The following SNTG2 variants were observed in gnomAD, a reference collection of about 807,000 sequenced individuals.
SNTG2 encodes gamma-2-syntrophin.
A neutral mutation model predicts 70.9 loss-of-function variants in SNTG2; 74 were observed. The ratio of observed to expected loss-of-function variants is 1.04; its 90% CI spans 0.86 to 1.27. The LOEUF (loss-of-function observed/expected upper bound fraction) is 1.27, where lower values mean the gene tolerates loss of function less well. SNTG2 is among the 50% of genes most tolerant of loss of function. The pLI, the probability that SNTG2 is intolerant of heterozygous loss-of-function variation, is 0.00. For synonymous variants in SNTG2, 278 were observed against 273.8 expected, an observed-to-expected ratio of 1.02 and a Z score of -0.15; for missense variants, 717 against 690.7, an observed-to-expected ratio of 1.04 and a Z score of -0.43.
intron 14 of SNTG2, among the ~76,000 whole-genome samples, chr2:1,283,987 A>G (rs993041429): frequency 2.6e-5 from 4 of 152,102 alleles, no homozygotes; most frequent in Admixed American, 1.3e-4. Flanking sequence ...CTCACGGTAG[A>G]TATTTGAAAG....
chr2:1,271,354 A>C (rs868527172), intron 14 of SNTG2, among the ~76,000 whole-genome samples: 1 of 152,116 alleles, frequency 6.6e-6, no homozygotes, highest in African/African-American at 2.4e-5. Context: ...TGCAATTTAC[A>C]AGACTTTTGT....
intron 14 of SNTG2, among the ~76,000 whole-genome samples, chr2:1,292,090 A>G (rs1314868480): frequency 2.6e-5 from 4 of 151,978 alleles, no homozygotes; most frequent in Non-Finnish European, 4.4e-5. Flanking sequence ...ATTCTTTTTG[A>G]TGCTATTGTA....
At chr2:1,006,829 C>G (rs959627320) in intron 1 of SNTG2, among the ~76,000 whole-genome samples, 1 of 151,942 alleles carries the variant, frequency 6.6e-6, no homozygotes, top group Non-Finnish European at 1.5e-5. Context: ...AGATCGAGAC[C>G]AGCCTGACCA....
Position 1,259,373 on chromosome 2 carries a change from A to G in SNTG2, c.1009A>G (p.Ser337Gly). ...SFYVFSTPPV[S>G]TFDWVRAERT... ...GAACGTTCTCTGTTTCTTGCAGGTG[A>G]GCACATTCGATTGGGTGCGAGCAGA... Residue 337 changes from serine to glycine, a missense_variant, in exon 13 of 17, where the codon AGC (serine) becomes GGC (glycine). Ser to Gly is a moderately conservative substitution (Grantham distance 56). Transcript: ENST00000308624. 1 of 1,613,934 alleles carries G rather than the reference A, an allele frequency of 6.2e-7. No homozygotes were observed. The highest frequency in any genetic ancestry group is 8.5e-7 in the Non-Finnish European group (1 of 1,179,854).
intron 16 of SNTG2, among the ~76,000 whole-genome samples, chr2:1,350,474 G>A (rs1030703393): frequency 2.0e-5 from 3 of 152,180 alleles, no homozygotes; most frequent in Admixed American, 1.3e-4. Flanking sequence ...ATTATCCATT[G>A]TACTAATCTG....
chr2:1,236,576 A>C (rs2148099991), intron 9 of SNTG2, among the ~76,000 whole-genome samples: 1 of 152,370 alleles, frequency 6.6e-6, no homozygotes, highest in East Asian at 1.9e-4. Context: ...AATATCAGCC[A>C]CAAGTAGATA....
At chr2:1,316,409 C>T in intron 16 of SNTG2, 34 bp downstream of exon 16, 1 of 1,114,692 alleles carries the variant, frequency 9.0e-7, no homozygotes, top group East Asian at 2.6e-5. Context: ...ATTCTGCCAC[C>T]ACCCACACAT....
At chr2:983,055 C>A (rs1456522022) in intron 1 of SNTG2, among the ~76,000 whole-genome samples, 1 of 148,282 alleles carries the variant, frequency 6.7e-6, no homozygotes, top group African/African-American at 2.5e-5. Context: ...GAGGTGGTGT[C>A]AGGATGAAGA....
chr2:993,270 C>T (rs1260702310), intron 1 of SNTG2, among the ~76,000 whole-genome samples: 1 of 145,268 alleles, frequency 6.9e-6, no homozygotes, highest in Non-Finnish European at 1.5e-5. Context: ...ATTCCCCTTC[C>T]TGTGTCCATG....
At chr2:1,058,278 T>C (rs1662597467) in intron 1 of SNTG2, among the ~76,000 whole-genome samples, 1 of 152,192 alleles carries the variant, frequency 6.6e-6, no homozygotes, top group Non-Finnish European at 1.5e-5. Context: ...CTGTCTTGTC[T>C]CTGACCTTTG....
At chr2:1,307,392 CTG>C (rs1680742823) in intron 14 of SNTG2, among the ~76,000 whole-genome samples, 2 of 132,968 alleles carry the variant, frequency 1.5e-5, no homozygotes, top group African/African-American at 2.9e-5. Context: ...TAGCGGTGCA[CTG>C]TGTCTGTGTG....
intron 14 of SNTG2, among the ~76,000 whole-genome samples, chr2:1,274,426 T>A (rs1679187070): frequency 6.6e-6 from 1 of 152,230 alleles, no homozygotes; most frequent in African/African-American, 2.4e-5. Context: ...TATTGGCATA[T>A]GCAATGATGT....
Position 1,096,686 on chromosome 2 carries a change from G to C in SNTG2, c.211-1510G>C, listed in dbSNP as rs181309282. Among the ~76,000 whole-genome samples, 107 of 152,276 alleles carry C rather than the reference G, an allele frequency of 7.0e-4. 1 individual carries two copies. Among genetic ancestry groups the C allele is most frequent in the Middle Eastern group, 3.4e-3 (1 of 294 alleles). ...TTTATGGCTGAAGGATGTTCCATTC[G>C]GTGTATCTACTGCATCTTCTTTATT... is the stretch of plus-strand genomic sequence containing the variant. On this transcript the variant is annotated intron_variant, in intron 2 of 16. Coordinates refer to ENST00000308624, the MANE Select transcript of SNTG2 (RefSeq NM_018968.4).
At chr2:1,236,588 A>G (rs1676675738) in intron 9 of SNTG2, among the ~76,000 whole-genome samples, 2 of 152,240 alleles carry the variant, frequency 1.3e-5, no homozygotes. Flanking sequence ...AAGTAGATAA[A>G]CCTCACATTC....
intron 16 of SNTG2, among the ~76,000 whole-genome samples, chr2:1,349,031 C>G (rs1660443557): frequency 1.3e-5 from 2 of 152,170 alleles, no homozygotes; most frequent in Admixed American, 6.5e-5. Context: ...CAGGAGGAGA[C>G]AGGAGGTACT....
chr2:1,053,772 C>G (rs919694612), intron 1 of SNTG2, among the ~76,000 whole-genome samples: 1 of 152,098 alleles, frequency 6.6e-6, no homozygotes, highest in Non-Finnish European at 1.5e-5. Context: ...GGCATTGATT[C>G]TGATTACTTT....
chr2:1,236,815 GA>G (rs1435000332), intron 9 of SNTG2, among the ~76,000 whole-genome samples: 1 of 152,100 alleles, frequency 6.6e-6, no homozygotes, highest in Non-Finnish European at 1.5e-5. Flanking sequence ...AAGATTATTA[GA>G]ACATAGCTTA....
At chr2:959,800 A>G (rs111767215) in intron 1 of SNTG2, among the ~76,000 whole-genome samples, 12 of 150,930 alleles carry the variant, frequency 8.0e-5, no homozygotes, top group Non-Finnish European at 1.5e-4. Flanking sequence ...GAGTAAATAC[A>G]TTTCCTTTAT....
chr2:1,133,206 A>G (rs985247226), intron 4 of SNTG2, among the ~76,000 whole-genome samples: 1 of 152,270 alleles, frequency 6.6e-6, no homozygotes, highest in African/African-American at 2.4e-5. Flanking sequence ...ATAAATAATA[A>G]AATCTAACTC....
Sources: gnomAD v4.1 joint callset for allele counts (sites outside exome capture counted in the v4.1 genomes callset) on GRCh38, gnomAD v4.1.1 for gene constraint, MANE v1.5 for transcripts, NCBI Gene and HGNC (gene_info 2026-07-23, HGNC 2026-07-21) for gene names.